The following PRKG1 variants were observed in gnomAD, a reference collection of about 807,000 sequenced individuals.
PRKG1 encodes cGMP-dependent protein kinase 1.
A neutral mutation model predicts 88.1 loss-of-function variants in PRKG1; 35 were observed. The observed-to-expected ratio is 0.40, with a 90% CI of 0.30 to 0.53. PRKG1 has a LOEUF of 0.53. PRKG1 is among the 20% of genes least tolerant of loss of function. PRKG1 has a pLI of 0.59. For synonymous variants in PRKG1, 303 were observed against 292.5 expected (o/e 1.04, Z -0.37); for missense variants, 540 against 839.8 (o/e 0.64, Z 4.41).
chr10:51,184,786 T>A (rs988015399), intron 2 of PRKG1, among the ~76,000 whole-genome samples: 2 of 152,162 alleles, frequency 1.3e-5, no homozygotes, highest in Admixed American at 6.5e-5. Context: ...CTTCGACCCA[T>A]CTTTTTTGAA....
intron 1 of PRKG1, among the ~76,000 whole-genome samples, chr10:51,052,072 C>A (rs913137288): frequency 6.6e-6 from 1 of 151,958 alleles, no homozygotes; most frequent in South Asian, 2.1e-4. Context: ...TACAGCAAAA[C>A]GCATATGAAT....
chr10:51,944,258 T>G (rs981624917), intron 5 of PRKG1, among the ~76,000 whole-genome samples: 2 of 152,082 alleles, frequency 1.3e-5, no homozygotes, highest in Non-Finnish European at 2.9e-5. Flanking sequence ...GTTTGTAGTA[T>G]TCTCTGATGG....
intron 3 of PRKG1, among the ~76,000 whole-genome samples, chr10:51,482,171 T>C (rs1303813456): frequency 6.6e-6 from 1 of 152,148 alleles, no homozygotes; most frequent in Non-Finnish European, 1.5e-5. Context: ...CTCCACAGAC[T>C]GGGGAATAAT....
chr10:51,707,565 A>G (rs1362803140), intron 3 of PRKG1, among the ~76,000 whole-genome samples: 1 of 151,718 alleles, frequency 6.6e-6, no homozygotes, highest in Non-Finnish European at 1.5e-5. Context: ...AAGATACCCT[A>G]TTTAAGTGGA....
intron 3 of PRKG1, among the ~76,000 whole-genome samples, chr10:51,583,952 C>T (rs10998354): frequency 0.069 from 10,526 of 152,020 alleles, 1,199 homozygotes; most frequent in African/African-American, 0.24. Context: ...GCAAATCTTT[C>T]GATGGGATAT....
At chr10:51,335,902 A>G (rs1039486272) in intron 2 of PRKG1, among the ~76,000 whole-genome samples, 4 of 152,208 alleles carry the variant, frequency 2.6e-5, no homozygotes, top group Middle Eastern at 3.2e-3. Context: ...TCCCTTTGTG[A>G]AAGTCAATTA....
At chr10:51,972,121 G>A (rs1843726570) in intron 5 of PRKG1, among the ~76,000 whole-genome samples, 1 of 151,772 alleles carries the variant, frequency 6.6e-6, no homozygotes, top group African/African-American at 2.4e-5. Context: ...TTACAATTAT[G>A]TTCTTACCCT....
At chr10:51,679,149 T>C (rs1398036229) in intron 3 of PRKG1, among the ~76,000 whole-genome samples, 2 of 152,198 alleles carry the variant, frequency 1.3e-5, no homozygotes, top group Non-Finnish European at 2.9e-5. Flanking sequence ...ACAAATGTCC[T>C]CTTGCAGCTG....
At chr10:51,884,169 G>A (rs1241383995) in intron 4 of PRKG1, among the ~76,000 whole-genome samples, 3 of 151,910 alleles carry the variant, frequency 2.0e-5, no homozygotes, top group South Asian at 2.1e-4. Context: ...AAAGTTGGCC[G>A]GGCGCGGTGG....
At chr10:51,922,329 A>G (rs1053183827) in intron 5 of PRKG1, among the ~76,000 whole-genome samples, 1 of 150,870 alleles carries the variant, frequency 6.6e-6, no homozygotes, top group African/African-American at 2.4e-5. Flanking sequence ...AATTTTATTC[A>G]TCTTTTCCAA....
chr10:52,243,441 T>TA (rs201369416), intron 9 of PRKG1, among the ~76,000 whole-genome samples: 7 of 151,876 alleles, frequency 4.6e-5, no homozygotes, highest in South Asian at 2.1e-4. Flanking sequence ...TTCCTTTATT[T>TA]AAAAAAAAGC....
At chr10:52,054,796 T>C (rs1342581928) in intron 6 of PRKG1, among the ~76,000 whole-genome samples, 1 of 152,104 alleles carries the variant, frequency 6.6e-6, no homozygotes, top group Non-Finnish European at 1.5e-5. Flanking sequence ...ATGACACTGA[T>C]ATATTTGTGT....
At chr10:51,152,911 G>T (rs1354302329) in intron 1 of PRKG1, among the ~76,000 whole-genome samples, 1 of 150,566 alleles carries the variant, frequency 6.6e-6, no homozygotes, top group African/African-American at 2.4e-5. Context: ...TGATTTTGTT[G>T]GTTGGTTGGT....
At chr10:51,334,607 A>G (rs1249051964) in intron 2 of PRKG1, among the ~76,000 whole-genome samples, 2 of 152,174 alleles carry the variant, frequency 1.3e-5, no homozygotes, top group African/African-American at 2.4e-5. Flanking sequence ...CAGCCAAGCC[A>G]TACTTTTGCT....
intron 12 of PRKG1, among the ~76,000 whole-genome samples, chr10:52,279,752 A>G (rs1841958846): frequency 6.6e-6 from 1 of 152,140 alleles, no homozygotes; most frequent in African/African-American, 2.4e-5. Flanking sequence ...TATTAATAAA[A>G]TCACTTGTGT....
intron 2 of PRKG1, among the ~76,000 whole-genome samples, chr10:51,155,138 C>A (rs10995865): frequency 0.058 from 8,824 of 151,996 alleles, 302 homozygotes; most frequent in East Asian, 0.11. Flanking sequence ...ATTCAAGAAA[C>A]CACAATTTTG....
At chr10:51,592,661 A>C (rs182149747) in intron 3 of PRKG1, among the ~76,000 whole-genome samples, 1 of 152,250 alleles carries the variant, frequency 6.6e-6, no homozygotes, top group South Asian at 2.1e-4. Context: ...TCTCCTTCTC[A>C]TTTTGAGTTT....
chr10:51,686,349 C>G (rs1039121160), intron 3 of PRKG1, among the ~76,000 whole-genome samples: 2 of 152,064 alleles, frequency 1.3e-5, no homozygotes, highest in African/African-American at 4.8e-5. Context: ...TCTTAGTATG[C>G]ATGTGTTCTC....
chr10:51,984,907 C>T (rs1405522693), intron 5 of PRKG1, among the ~76,000 whole-genome samples: 1 of 152,002 alleles, frequency 6.6e-6, no homozygotes, highest in Admixed American at 6.6e-5. Context: ...AAATTTTGTT[C>T]CTGAATGATG....
Sources: allele counts gnomAD v4.1 joint callset (sites outside exome capture counted in the v4.1 genomes callset), GRCh38; gene constraint gnomAD v4.1.1; transcripts MANE v1.5; gene names NCBI Gene and HGNC (gene_info 2026-07-23, HGNC 2026-07-21).